The following CCZ1 variants were observed in gnomAD, a reference collection of about 807,000 sequenced individuals.
The protein encoded by CCZ1 is CCZ1 vacuolar protein trafficking and biogenesis associated, also known as vacuolar fusion protein CCZ1 homolog.
CCZ1 carries 19 observed loss-of-function variants against 57.8 expected under a neutral mutation model. That is an observed-to-expected ratio of 0.33 (90% CI 0.23 to 0.48). The LOEUF (loss-of-function observed/expected upper bound fraction) is 0.48, where lower values mean the gene tolerates loss of function less well. Ranked by LOEUF, CCZ1 falls within the 20% of genes least tolerant of loss-of-function variation. The probability of loss-of-function intolerance (pLI) is 0.99; values close to 1 mark genes in which losing one functional copy is unlikely to be tolerated. For synonymous variants in CCZ1, 81 were observed against 167.0 expected, an observed-to-expected ratio of 0.49 and a Z score of 3.97; for missense variants, 200 against 492.0, an observed-to-expected ratio of 0.41 and a Z score of 5.61.
At position 5,902,742 on chromosome 7, in the gene CCZ1, C is replaced by T. The variant is rs201882579; in HGVS notation, c.520C>T (p.Arg174Trp). 6.0e-5 allele frequency: 96 copies of T among 1,592,034 alleles called. 1 individual carries two copies. The highest frequency in any genetic ancestry group is 8.2e-5 in the South Asian group (7 of 85,444). Reference protein sequence around the residue: ...LKERLEKFFHRYLQTLHLQSC... With the variant: ...LKERLEKFFHWYLQTLHLQSC... The stretch of plus-strand genomic sequence containing the variant: ...AGAAAGATTAGAGAAATTCTTCCAT[C>T]GGGTAAGTATTTTGAATTTCATTTA... Residue 174 changes from arginine to tryptophan, a missense_variant and splice_region_variant, in exon 6 of 15, where the codon CGG (arginine) becomes TGG (tryptophan). Arg to Trp is a moderately radical substitution (Grantham distance 101, BLOSUM62 -3). Around this residue, in one of 5 missense-constraint regions of CCZ1, gnomAD observed 128 missense variants for 178.4 expected, o/e 0.72. Coordinates refer to ENST00000325974, the MANE Select transcript of CCZ1 (RefSeq NM_015622.6).
intron 11 of CCZ1, 63 bp downstream of exon 11, chr7:5,918,963 T>TA: frequency 9.7e-7 from 1 of 1,033,796 alleles, no homozygotes; most frequent in Non-Finnish European, 1.4e-6. Flanking sequence ...ATCCTATTCT[T>TA]AAGTGATAAA....
In CCZ1 at chr7:5,903,760, G is replaced by A. The variant is rs752034448; in HGVS notation, c.522+1016G>A. The stretch of plus-strand genomic sequence containing the variant: ...TGTGATCCCACCACTTTGGGAGGCC[G>A]ATGCGGGCAGATCTTGAGGTCATGA... On this transcript the variant is annotated intron_variant, in intron 6 of 14. Transcript: ENST00000325974. 6.1e-5 allele frequency among the ~76,000 whole-genome samples: 9 copies of A among 147,608 alleles called. 1 individual carries two copies. The highest frequency in any genetic ancestry group is 8.9e-5 in the Non-Finnish European group (6 of 67,726).
intron 5 of CCZ1, chr7:5,902,019 C>T (rs558906847): frequency 6.7e-6 from 2 of 297,058 alleles, no homozygotes; most frequent in Non-Finnish European, 1.2e-5. Context: ...TGAGGCAGGG[C>T]ACAGTGGATC....
rs1358354000 is a variant in CCZ1 at position 5,903,768 on chromosome 7, C to T, written c.522+1024C>T. Among the ~76,000 whole-genome samples the T allele has an allele frequency of 2.0e-5, 3 of 147,472 alleles. 1 individual carries two copies. The highest frequency in any genetic ancestry group is 7.7e-5 in the African/African-American group (3 of 39,022). Reference sequence around the variant, plus strand: ...CACCACTTTGGGAGGCCGATGCGGGCAGATCTTGAGGTCATGAGTTCGAGA... The same window carrying T: ...CACCACTTTGGGAGGCCGATGCGGGTAGATCTTGAGGTCATGAGTTCGAGA... On this transcript the variant is annotated intron_variant, in intron 6 of 14. Coordinates refer to ENST00000325974, the MANE Select transcript of CCZ1 (RefSeq NM_015622.6).
Position 5,915,257 on chromosome 7 carries a change from TGTG to T in CCZ1, c.954+2306_954+2308del, listed in dbSNP as rs550879295. On this transcript the variant is annotated intron_variant, in intron 10 of 14. Coordinates refer to ENST00000325974, the MANE Select transcript of CCZ1 (RefSeq NM_015622.6). Reference sequence around the variant, plus strand: ...ATTGCAGGAAGAGCATACAGAAAGATGTGGTCTGAAAAAGCAAACCAAAATGTT... The same window carrying T: ...ATTGCAGGAAGAGCATACAGAAAGATGTCTGAAAAAGCAAACCAAAATGTT... Among the ~76,000 whole-genome samples, 12 of 149,736 alleles carry T rather than the reference TGTG, an allele frequency of 8.0e-5. No homozygotes were observed. In the East Asian group the frequency reaches 2.0e-3, roughly 25 times the overall value.
chr7:5,922,975 A>ACACATAG (rs1403701517), intron 12 of CCZ1, among the ~76,000 whole-genome samples: 3 of 145,392 alleles, frequency 2.1e-5, no homozygotes, highest in Non-Finnish European at 1.5e-5. Context: ...CAGACAGACA[A>ACACATAG]CACATGAACA....
At chr7:5,907,530 T>A (rs1781861886) in intron 7 of CCZ1, among the ~76,000 whole-genome samples, 1 of 146,176 alleles carries the variant, frequency 6.8e-6, no homozygotes, top group East Asian at 2.3e-4. Context: ...CTCCTGAGAG[T>A]GAGGAAGAGG....
At position 5,901,710 on chromosome 7, in the gene CCZ1, C is replaced by T. The variant is rs752966842; in HGVS notation, c.438+6C>T. The T allele has an allele frequency of 7.5e-6, 12 of 1,598,038 alleles. 3 individuals carry two copies. In the Admixed American group the frequency reaches 8.4e-5, roughly 11 times the overall value. ...AGTGCTACAGCATGTACAAGGTAAGCGTGGCGTTCTTTCTCAACTCAGAGT... is the reference window on the plus strand; with the variant it reads ...AGTGCTACAGCATGTACAAGGTAAGTGTGGCGTTCTTTCTCAACTCAGAGT... On this transcript the variant is annotated splice_donor_region_variant and intron_variant, in intron 5 of 14. Coordinates refer to ENST00000325974, the MANE Select transcript of CCZ1 (RefSeq NM_015622.6).
At position 5,926,371 on chromosome 7, in the gene CCZ1, CT is replaced by C. The variant is rs1487883677; in HGVS notation, c.*689del. ...GTGTGTGTGTCCTCGTGTCTCTCTA[CT>C]TTTTCTTCTTCTTGCTGGTGATGGT... On this transcript the variant is annotated 3_prime_UTR_variant, in exon 15 of 15. Coordinates refer to ENST00000325974, the MANE Select transcript of CCZ1 (RefSeq NM_015622.6). The C allele has an allele frequency of 2.1e-6, 3 of 1,443,344 alleles. No individual in the cohort carries two copies. In the Admixed American group the frequency reaches 5.7e-5, roughly 27 times the overall value. 89.4% of individuals were successfully genotyped at this position (1,443,344 alleles called of 1,614,324 possible). A position where few individuals can be genotyped will look rare whatever the true frequency, so the allele number is the denominator to read the frequency against.
chr7:5,901,916 A>G (rs935838269), intron 5 of CCZ1: 9 of 505,474 alleles, frequency 1.8e-5, no homozygotes, highest in Non-Finnish European at 3.1e-5. Flanking sequence ...TCTCAGCCTT[A>G]TAGTAGGAAT....
chr7:5,920,645 T>C (rs1779221709), intron 12 of CCZ1, among the ~76,000 whole-genome samples: 1 of 141,060 alleles, frequency 7.1e-6, no homozygotes, highest in African/African-American at 2.6e-5. Flanking sequence ...CTCCTTTTTG[T>C]ATTTTTAGTA....
At chr7:5,909,709 GAAAA>G (rs983272409) in intron 7 of CCZ1, among the ~76,000 whole-genome samples, 1 of 129,520 alleles carries the variant, frequency 7.7e-6, no homozygotes, top group African/African-American at 2.9e-5. Context: ...AAAAAAAAAA[GAAAA>G]AAAAATTTTT....
chr7:5,905,752 A>C (rs1781796617), intron 7 of CCZ1, among the ~76,000 whole-genome samples: 1 of 98,166 alleles, frequency 1.0e-5, no homozygotes, highest in Non-Finnish European at 1.9e-5. Flanking sequence ...ACTGTACCCC[A>C]GCCTGGCAAC....
chr7:5,912,655 C>T (rs1779063029), intron 9 of CCZ1, among the ~76,000 whole-genome samples, 188 bp from the exon 10 acceptor site: 1 of 150,956 alleles, frequency 6.6e-6, no homozygotes, highest in Admixed American at 6.6e-5. Flanking sequence ...CCAGCTCAGC[C>T]TCCCAAAGTG....
At chr7:5,922,710 C>T (rs1264146801) in intron 12 of CCZ1, among the ~76,000 whole-genome samples, 4 of 151,108 alleles carry the variant, frequency 2.6e-5, no homozygotes, top group South Asian at 2.1e-4. Context: ...AAGGCGACTG[C>T]GTTTTACAGT....
rs1199771219 is a variant in CCZ1 at position 5,902,878 on chromosome 7, G to C, written c.522+134G>C. ...AGTGGCAAAGAGCCTGAGACAGACC[G>C]TCGCAAAACTGGAGCAGCGAGGAAA... On this transcript the variant is annotated intron_variant, in intron 6 of 14. Transcript: ENST00000325974. 2.9e-5 allele frequency: 33 copies of C among 1,141,030 alleles called. 1 individual carries two copies. The highest frequency in any genetic ancestry group is 3.7e-5 in the Non-Finnish European group (31 of 846,728). 70.7% of individuals were successfully genotyped at this position (1,141,030 alleles called of 1,614,324 possible). A position where few individuals can be genotyped will look rare whatever the true frequency, so the allele number is the denominator to read the frequency against.
At chr7:5,899,306 T>A in intron 1 of CCZ1, among the ~76,000 whole-genome samples, 1 of 136,818 alleles carries the variant, frequency 7.3e-6, no homozygotes, top group African/African-American at 2.7e-5. Flanking sequence ...TTCGCCCAAA[T>A]GAGGAAATAA....
At position 5,905,120 on chromosome 7, in the gene CCZ1, A is replaced by G. The variant is rs552576239; in HGVS notation, c.549A>G (p.Ser183=). ...HRYLQTLHLQ[S]CDLLDIFGGI... is the part of the protein sequence containing the mutation. Reference sequence around the variant, plus strand: ...ATTTGCAAACGCTACATTTGCAGTCATGTGACCTACTTGACATTTTTGGTG... The same window carrying G: ...ATTTGCAAACGCTACATTTGCAGTCGTGTGACCTACTTGACATTTTTGGTG... The change falls in exon 7 of 15, where the codon TCA becomes TCG. Residue 183 remains serine (S), a synonymous_variant. Transcript: ENST00000325974. 94 of 1,597,548 alleles carry G rather than the reference A, an allele frequency of 5.9e-5. 23 individuals are homozygous for G. In the East Asian group the frequency reaches 2.3e-3, roughly 39 times the overall value.
At chr7:5,905,900 A>AC (rs1487902325) in intron 7 of CCZ1, among the ~76,000 whole-genome samples, 2 of 63,770 alleles carry the variant, frequency 3.1e-5, no homozygotes, top group African/African-American at 5.9e-5. Flanking sequence ...GAATTTTTAT[A>AC]CCTTTTTTTT....
Sources: gnomAD v4.1 joint callset for allele counts (sites outside exome capture counted in the v4.1 genomes callset) on GRCh38, gnomAD v4.1.1 for gene constraint, gnomAD v4.1.1 regional missense constraint, MANE v1.5 for transcripts, NCBI Gene and HGNC (gene_info 2026-07-23, HGNC 2026-07-21) for gene names.